Variants in LNX2 observed in about 807,000 individuals in gnomAD.
The protein encoded by LNX2 is ligand of numb-protein X 2.
Under a neutral mutation model 66.2 loss-of-function variants are expected in LNX2, and 35 were observed. The observed-to-expected ratio is 0.53, with a 90% CI of 0.40 to 0.70. The LOEUF is 0.70. Among genes scored for constraint, LNX2 ranks in the 30% least tolerant of loss-of-function variants. LNX2 has a pLI of 0.00. For synonymous variants in LNX2, 337 were observed against 315.6 expected (o/e 1.07, Z -0.72); for missense variants, 791 against 850.8 (o/e 0.93, Z 0.87).
chr13:27,604,779 C>T (rs1052982301), intron 1 of LNX2, among the ~76,000 whole-genome samples: 2 of 151,444 alleles, frequency 1.3e-5, no homozygotes, highest in African/African-American at 4.8e-5. Context: ...TTTTTTGTTG[C>T]AACCCCTTTT....
chr13:27,618,888 C>T (rs1027669098), intron 1 of LNX2, among the ~76,000 whole-genome samples: 1 of 152,196 alleles, frequency 6.6e-6, no homozygotes, highest in Admixed American at 6.5e-5. Context: ...TAAGTGCCTA[C>T]GTAACACCTA....
At chr13:27,567,159 C>T (rs1304764189) in intron 4 of LNX2, among the ~76,000 whole-genome samples, 1 of 152,068 alleles carries the variant, frequency 6.6e-6, no homozygotes, top group Non-Finnish European at 1.5e-5. Context: ...TGAACTCTAT[C>T]TTATAATCTG....
In LNX2 at chr13:27,581,495, C is replaced by G. The variant is rs1190431059; in HGVS notation, c.209G>C (p.Cys70Ser). The G allele has an allele frequency of 6.2e-7, 1 of 1,612,182 alleles. No homozygotes were observed. Among genetic ancestry groups the G allele is most frequent in the Non-Finnish European group, 8.5e-7 (1 of 1,178,884 alleles). The change falls in exon 2 of 10, where the codon TGC (cysteine) becomes TCC (serine). Residue 70 changes from cysteine to serine, a missense_variant. Cys to Ser is a moderately radical substitution (Grantham distance 112, BLOSUM62 -1). Coordinates refer to ENST00000316334, the MANE Select transcript of LNX2 (RefSeq NM_153371.4). ...TAAAAAGTTTCTGAGGCACTTGTAG[C>G]AGAATGTATGTCCACAGGGTGTGTC... is the stretch of plus-strand genomic sequence containing the variant. ...PLDTPCGHTF[C>S]YKCLRNFLQE...
intron 1 of LNX2, among the ~76,000 whole-genome samples, chr13:27,606,873 C>A (rs1955722693): frequency 6.6e-6 from 1 of 152,070 alleles, no homozygotes; most frequent in Non-Finnish European, 1.5e-5. Context: ...TTCTTATATA[C>A]ATGATTAAAA....
intron 1 of LNX2, among the ~76,000 whole-genome samples, chr13:27,614,179 T>G (rs1955802852): frequency 6.6e-6 from 1 of 152,228 alleles, no homozygotes; most frequent in African/African-American, 2.4e-5. Context: ...GTAAAGCTAA[T>G]GAGGGACCAC....
intron 2 of LNX2, among the ~76,000 whole-genome samples, chr13:27,576,185 G>A (rs371166452): frequency 6.6e-6 from 1 of 152,040 alleles, no homozygotes; most frequent in Non-Finnish European, 1.5e-5. Context: ...CCCAAAATAC[G>A]TAAGTAAAAA....
At chr13:27,583,262 G>GCGCGCGCGCGCGCGC (rs1555268517) in intron 1 of LNX2, among the ~76,000 whole-genome samples, 1 of 13,408 alleles carries the variant, frequency 7.5e-5, no homozygotes, top group African/African-American at 1.8e-3. Flanking sequence ...GTGTGCGCGC[G>GCGCGCGCGCGCGCGC]TCCTCTCCAA....
rs1334656492 is a variant in LNX2 at position 27,548,044 on chromosome 13, C to A, written c.*291G>T. On this transcript the variant is annotated 3_prime_UTR_variant, in exon 10 of 10. Transcript: ENST00000316334. The stretch of plus-strand genomic sequence containing the variant: ...GAAGGTCTTTACTCCATCTGGGGCA[C>A]AGTTTGGGTGAGCTTTGCTCATTAC... 1.2e-5 allele frequency: 4 copies of A among 342,346 alleles called. No individual in the cohort carries two copies. Among genetic ancestry groups the A allele is most frequent in the Non-Finnish European group, 2.1e-5 (4 of 186,466 alleles). 21.2% of individuals were successfully genotyped at this position (342,346 alleles called of 1,614,324 possible).
intron 1 of LNX2, among the ~76,000 whole-genome samples, chr13:27,591,602 C>T (rs1955547015): frequency 6.6e-6 from 1 of 152,160 alleles, no homozygotes; most frequent in African/African-American, 2.4e-5. Flanking sequence ...TTTTTCCTGT[C>T]TGTTCGTCCA....
intron 1 of LNX2, among the ~76,000 whole-genome samples, chr13:27,584,014 G>A (rs182253971): frequency 4.6e-5 from 7 of 152,250 alleles, no homozygotes; most frequent in Non-Finnish European, 8.8e-5. Flanking sequence ...AAAAGCATCA[G>A]CTAAGTTGCA....
chr13:27,576,037 G>A (rs761806294), intron 2 of LNX2, among the ~76,000 whole-genome samples: 1 of 152,120 alleles, frequency 6.6e-6, no homozygotes, highest in Non-Finnish European at 1.5e-5. Flanking sequence ...GTCAGTGACT[G>A]GCAGAATGGG....
rs1955433298 is a variant in LNX2, at chr13:27,583,230, G to GTGCGCGCGCGTCCTCTCCTATATAACTT, written c.-100-1428_-100-1427insAAGTTATATAGGAGAGGACGCGCGCGCA. Among the ~76,000 whole-genome samples, 11 of 24,092 alleles carry GTGCGCGCGCGTCCTCTCCTATATAACTT rather than the reference G, an allele frequency of 4.6e-4. 1 individual carries two copies. Among genetic ancestry groups the GTGCGCGCGCGTCCTCTCCTATATAACTT allele is most frequent in the Non-Finnish European group, 7.0e-4 (9 of 12,838 alleles). The allele number at this position is 24,092 out of a possible 152,430, so 15.8% of individuals were successfully genotyped here. On this transcript the variant is annotated intron_variant, in intron 1 of 9. Coordinates refer to ENST00000316334, the MANE Select transcript of LNX2 (RefSeq NM_153371.4). ...TGTGTGTGTGTGTGTGTGTGTGTGT[G>GTGCGCGCGCGTCCTCTCCTATATAACTT]TGTGTGTGTGTGTGTGTGTGTGTGT... is the stretch of plus-strand genomic sequence containing the variant.
intron 1 of LNX2, among the ~76,000 whole-genome samples, chr13:27,617,329 G>A (rs1316457547): frequency 1.3e-5 from 2 of 152,186 alleles, no homozygotes; most frequent in East Asian, 3.9e-4. Flanking sequence ...CTAAATAGAG[G>A]AGAACCTATG....
intron 2 of LNX2, 40 bp downstream of exon 2, chr13:27,581,257 T>C (rs1955393411): frequency 1.4e-6 from 2 of 1,437,540 alleles, no homozygotes; most frequent in Non-Finnish European, 9.2e-7. Context: ...ACCACCTTTT[T>C]CCAAAATCTG....
At chr13:27,570,226 G>A (rs1445440223) in intron 2 of LNX2, among the ~76,000 whole-genome samples, 1 of 152,114 alleles carries the variant, frequency 6.6e-6, no homozygotes, top group Non-Finnish European at 1.5e-5. Flanking sequence ...CTCTACGGAT[G>A]ACACATGCTT....
At chr13:27,579,130 T>G (rs1425799001) in intron 2 of LNX2, among the ~76,000 whole-genome samples, 1 of 152,222 alleles carries the variant, frequency 6.6e-6, no homozygotes, top group African/African-American at 2.4e-5. Flanking sequence ...ATCTGGCACA[T>G]AGCAGATAAT....
intron 7 of LNX2, among the ~76,000 whole-genome samples, chr13:27,555,242 C>A (rs1955043885): frequency 6.6e-6 from 1 of 152,218 alleles, no homozygotes; most frequent in Non-Finnish European, 1.5e-5. Flanking sequence ...AGCCACCACA[C>A]CCAGCCTGAG....
intron 2 of LNX2, among the ~76,000 whole-genome samples, chr13:27,573,113 A>G (rs1046555139): frequency 6.6e-6 from 1 of 152,174 alleles, no homozygotes; most frequent in Admixed American, 6.5e-5. Context: ...TCTCAGTAAG[A>G]AGAGAGAGCT....
intron 4 of LNX2, among the ~76,000 whole-genome samples, chr13:27,567,075 T>C (rs888579450): frequency 5.9e-5 from 9 of 152,142 alleles, no homozygotes; most frequent in South Asian, 4.1e-4. Flanking sequence ...AAGGGGATTA[T>C]TGAAAATGCA....
Sources: allele counts gnomAD v4.1 joint callset (sites outside exome capture counted in the v4.1 genomes callset), GRCh38; gene constraint gnomAD v4.1.1; transcripts MANE v1.5; gene names NCBI Gene and HGNC (gene_info 2026-07-23, HGNC 2026-07-21).